SCAP: variants seen among roughly 807,000 people sequenced by gnomAD.
The protein encoded by SCAP is sterol regulatory element-binding protein cleavage-activating protein.
In SCAP, 65 loss-of-function variants were observed where a neutral mutation model predicts 123.6. The observed-to-expected ratio is 0.53, with a 90% confidence interval of 0.43 to 0.65. SCAP has a LOEUF of 0.65. SCAP is among the 30% of genes least tolerant of loss of function. SCAP has a pLI of 0.00. For synonymous variants in SCAP, 740 were observed against 726.3 expected, an observed-to-expected ratio of 1.02 and a Z score of -0.30; for missense variants, 1,398 against 1,712.5, an observed-to-expected ratio of 0.82 and a Z score of 3.24.
rs375393152 is a variant in SCAP at position 47,419,731 on chromosome 3, G to C, written c.1564-27C>G. 6.6e-7 allele frequency: 1 copy of C among 1,510,376 alleles called. No individual in the cohort carries two copies. The highest frequency in any genetic ancestry group is 1.4e-5 in the African/African-American group (1 of 71,656). 93.6% of individuals were successfully genotyped at this position (1,510,376 alleles called of 1,614,324 possible). On this transcript the variant is annotated intron_variant, in intron 12 of 22. Coordinates refer to ENST00000265565, the MANE Select transcript of SCAP (RefSeq NM_012235.4). This position sits in a 1 kb window ranked among gnomAD's most constrained non-coding sequence, Gnocchi z 5.0. The stretch of plus-strand genomic sequence containing the variant: ...TGCAGTGGGGCAGGGGGTACTCAGT[G>C]GGAGGAATGGGCCCCAACCCCCAGC...
chr3:47,416,615 CTTTTTTTTTTT>C lies in SCAP; in HGVS notation c.3056+496_3056+506del, dbSNP rs3077503. 7.7e-4 allele frequency among the ~76,000 whole-genome samples: 54 copies of C among 70,222 alleles called. 1 individual carries two copies. The highest frequency in any genetic ancestry group is 2.1e-3 in the African/African-American group (35 of 16,408). 46.1% of individuals were successfully genotyped at this position (70,222 alleles called of 152,430 possible). On this transcript the variant is annotated intron_variant, in intron 18 of 22. Coordinates refer to ENST00000265565, the MANE Select transcript of SCAP (RefSeq NM_012235.4). ...TTCCAAGCACGTCACACCCCTAACG[CTTTTTTTTTTT>C]TTTTTTTTTTTTTTTTTTGAGACGG...
At chr3:47,461,942 GA>G (rs2107997100) in intron 1 of SCAP, among the ~76,000 whole-genome samples, 1 of 152,146 alleles carries the variant, frequency 6.6e-6, no homozygotes, top group Non-Finnish European at 1.5e-5. Flanking sequence ...GCTGAGACAG[GA>G]GAATCACTTA....
At chr3:47,445,205 T>C (rs951789606) in intron 1 of SCAP, among the ~76,000 whole-genome samples, 3 of 152,050 alleles carry the variant, frequency 2.0e-5, no homozygotes, top group Non-Finnish European at 4.4e-5. Flanking sequence ...ATGAACATTC[T>C]AACATTCCTG....
intron 1 of SCAP, among the ~76,000 whole-genome samples, chr3:47,452,558 T>C (rs1163693986): frequency 1.3e-5 from 2 of 152,258 alleles, no homozygotes; most frequent in African/African-American, 4.8e-5. Context: ...TCATCCATCC[T>C]GTTCTTCACA....
At chr3:47,421,314 G>A (rs1225399839) in intron 10 of SCAP, 3 of 374,442 alleles carry the variant, frequency 8.0e-6, no homozygotes, top group Non-Finnish European at 1.5e-5. Flanking sequence ...GGGACTGAAG[G>A]CCTGATCCAA....
intron 3 of SCAP, among the ~76,000 whole-genome samples, chr3:47,430,287 T>C (rs1706303596): frequency 6.6e-6 from 1 of 152,168 alleles, no homozygotes; most frequent in African/African-American, 2.4e-5. Context: ...TATCACATAC[T>C]TTTCTCACTA....
chr3:47,473,141 A>ACTCTTTTG (rs1235498892), intron 1 of SCAP, among the ~76,000 whole-genome samples: 5 of 149,984 alleles, frequency 3.3e-5, no homozygotes, highest in South Asian at 4.2e-4. Flanking sequence ...AAAAGGATGG[A>ACTCTTTTG]CTCTTTTGTC....
chr3:47,415,045 G>GC, intron 19 of SCAP, 52 bp from the exon 20 acceptor site: 3 of 1,581,460 alleles, frequency 1.9e-6, no homozygotes, highest in Middle Eastern at 1.7e-4. Context: ...TGGGTAGACG[G>GC]CCCCTGCCCG....
intron 1 of SCAP, among the ~76,000 whole-genome samples, chr3:47,448,960 C>T (rs150019606): frequency 1.3e-5 from 2 of 152,246 alleles, no homozygotes; most frequent in East Asian, 1.9e-4. Flanking sequence ...TTAAGTCCCA[C>T]GTAAAATTTT....
intron 1 of SCAP, chr3:47,469,943 T>C (rs992653529): frequency 3.4e-5 from 14 of 412,622 alleles, no homozygotes; most frequent in East Asian, 6.3e-5. Context: ...GCTCTACTAT[T>C]GTGAAGAGAG....
At chr3:47,464,838 G>T (rs974582192) in intron 1 of SCAP, among the ~76,000 whole-genome samples, 1 of 152,138 alleles carries the variant, frequency 6.6e-6, no homozygotes, top group South Asian at 2.1e-4. Context: ...AATTATTTCC[G>T]TTCCTAGATG....
rs1705841930 is a variant in SCAP at position 47,420,466 on chromosome 3, G to C, written c.1563+88C>G. The C allele has an allele frequency of 4.1e-6, 5 of 1,220,914 alleles. No homozygotes were observed. The highest frequency in any genetic ancestry group is 4.5e-6 in the Non-Finnish European group (4 of 892,050). 75.6% of individuals were successfully genotyped at this position (1,220,914 alleles called of 1,614,324 possible). A position where few individuals can be genotyped will look rare whatever the true frequency, so the allele number is the denominator to read the frequency against. On this transcript the variant is annotated intron_variant, in intron 12 of 22. Transcript: ENST00000265565. The surrounding 1 kb of genome is among the most constrained non-coding windows in gnomAD (Gnocchi z 5.0). ...CACCAGGGCCTGAGGAATACCCTTT[G>C]CCACTCTAAGGCCAAGTGCAGCACC...
chr3:47,418,633 C>T (rs777715695), intron 14 of SCAP, 22 bp downstream of exon 14: 4 of 1,568,120 alleles, frequency 2.6e-6, no homozygotes, highest in Non-Finnish European at 3.5e-6. Context: ...CTTTCCCACC[C>T]CACCCCACCC....
At chr3:47,464,881 T>TAC (rs1297849600) in intron 1 of SCAP, among the ~76,000 whole-genome samples, 6 of 152,088 alleles carry the variant, frequency 3.9e-5, no homozygotes, top group Non-Finnish European at 7.4e-5. Flanking sequence ...CCCTAAAGAT[T>TAC]ACACACACAC....
intron 8 of SCAP, among the ~76,000 whole-genome samples, chr3:47,424,692 G>A (rs1242327470): frequency 2.6e-5 from 4 of 152,230 alleles, no homozygotes; most frequent in Non-Finnish European, 4.4e-5. Context: ...AGACGGTATG[G>A]GGGAGGGTGG....
chr3:47,462,670 T>C (rs1488183838), intron 1 of SCAP, among the ~76,000 whole-genome samples: 1 of 150,444 alleles, frequency 6.6e-6, no homozygotes, highest in African/African-American at 2.5e-5. Flanking sequence ...GGAGAATCGC[T>C]TGAACCTGAG....
rs115782441 is a variant in SCAP, at chr3:47,422,369, C to T, written c.1245+73G>A. 8.7e-3 allele frequency: 11,898 copies of T among 1,362,334 alleles called. 54 individuals carry two copies. Among genetic ancestry groups the T allele is most frequent in the Non-Finnish European group, 0.01 (9,955 of 974,486 alleles). 84.4% of individuals were successfully genotyped at this position (1,362,334 alleles called of 1,614,324 possible). ...CTGTGCTGAAGAGGGGAGCACCCTG[C>T]CCATGGCTGCACAGCTGGGGAGCAC... On this transcript the variant is annotated intron_variant, in intron 10 of 22. Coordinates refer to ENST00000265565, the MANE Select transcript of SCAP (RefSeq NM_012235.4).
chr3:47,422,256 C>G (rs747851823), intron 10 of SCAP, among the ~76,000 whole-genome samples, 186 bp downstream of exon 10: 6 of 152,268 alleles, frequency 3.9e-5, no homozygotes, highest in Non-Finnish European at 5.9e-5. Flanking sequence ...TTGCTGAGCA[C>G]TTCTGAGCCA....
chr3:47,429,667 G>T (rs1246645450), intron 3 of SCAP, among the ~76,000 whole-genome samples: 14 of 152,114 alleles, frequency 9.2e-5, no homozygotes, highest in Admixed American at 9.2e-4. Context: ...TCACTATGTT[G>T]CCCAGGCTGG....
Sources: gnomAD v4.1 joint callset for allele counts (sites outside exome capture counted in the v4.1 genomes callset) on GRCh38, gnomAD v4.1.1 for gene constraint, Gnocchi (gnomAD v3.1) non-coding constraint, MANE v1.5 for transcripts, NCBI Gene and HGNC (gene_info 2026-07-23, HGNC 2026-07-21) for gene names.